The following DNAJC18 variants were observed in gnomAD, a reference collection of about 807,000 sequenced individuals.
DNAJC18 encodes the protein dnaJ homolog subfamily C member 18.
In DNAJC18, 40 loss-of-function variants were observed where a neutral mutation model predicts 48.6. That is an observed-to-expected ratio of 0.82 (90% CI 0.64 to 1.07). The LOEUF (loss-of-function observed/expected upper bound fraction) is 1.07. DNAJC18 is among the 50% of genes least tolerant of loss of function. The pLI is 0.00. For missense variants in DNAJC18, 340 were observed against 427.7 expected (o/e 0.79, Z 1.81); for synonymous variants, 135 against 152.2 (o/e 0.89, Z 0.83).
At chr5:139,432,704 T>C (rs553821749) in intron 2 of DNAJC18, among the ~76,000 whole-genome samples, 6 of 152,328 alleles carry the variant, frequency 3.9e-5, no homozygotes, top group East Asian at 1.9e-4. Context: ...AAAATATCAA[T>C]GGAGCCAGTC....
At chr5:139,423,278 G>T (rs569409677) in intron 5 of DNAJC18, among the ~76,000 whole-genome samples, 19 of 152,296 alleles carry the variant, frequency 1.2e-4, no homozygotes, top group African/African-American at 4.1e-4. Context: ...AGAAGTACAG[G>T]TTGGGCAGTC....
At chr5:139,419,229 C>A in intron 7 of DNAJC18, 1 of 434,194 alleles carries the variant, frequency 2.3e-6, no homozygotes, top group South Asian at 1.7e-5. Context: ...AAGACACAGT[C>A]ACTAACGCGG....
chr5:139,433,787 A>G (rs1759367722), intron 2 of DNAJC18, among the ~76,000 whole-genome samples: 1 of 152,228 alleles, frequency 6.6e-6, no homozygotes, highest in African/African-American at 2.4e-5. Context: ...ATATTTTATG[A>G]TAGTAAATGA....
intron 2 of DNAJC18, among the ~76,000 whole-genome samples, chr5:139,431,099 C>T (rs1759323807): frequency 6.6e-6 from 1 of 152,048 alleles, no homozygotes; most frequent in Admixed American, 6.6e-5. Context: ...CATGAGCTGC[C>T]CATGGGGAGT....
intron 7 of DNAJC18, chr5:139,419,033 G>T (rs1284691885): frequency 9.6e-6 from 4 of 415,876 alleles, no homozygotes; most frequent in South Asian, 1.7e-5. Flanking sequence ...GGTCAATGAG[G>T]GCTTAGCAGC....
chr5:139,418,743 C>T (rs778233362), intron 7 of DNAJC18: 8 of 456,162 alleles, frequency 1.8e-5, no homozygotes, highest in Non-Finnish European at 3.1e-5. Context: ...TCACAATCCT[C>T]AGCATTTTCA....
intron 7 of DNAJC18, among the ~76,000 whole-genome samples, chr5:139,414,526 C>G (rs1466455953): frequency 6.6e-6 from 1 of 152,200 alleles, no homozygotes; most frequent in Non-Finnish European, 1.5e-5. Flanking sequence ...TAGTTCTTAC[C>G]AAGAAAACAT....
At chr5:139,430,096 A>G (rs1286454779) in intron 2 of DNAJC18, among the ~76,000 whole-genome samples, 1 of 152,200 alleles carries the variant, frequency 6.6e-6, no homozygotes, top group Non-Finnish European at 1.5e-5. Context: ...TATGCATGGT[A>G]CAGGAAGCGA....
At chr5:139,426,452 T>C in intron 3 of DNAJC18, 95 bp from the exon 4 acceptor site, 1 of 1,450,574 alleles carries the variant, frequency 6.9e-7, no homozygotes, top group Non-Finnish European at 9.2e-7. Context: ...AGGTGACTCG[T>C]GCTGGACAAC....
chr5:139,437,560 T>G lies in DNAJC18; in HGVS notation c.41-2A>C. 6.2e-7 allele frequency: 1 copy of G among 1,609,270 alleles called. No homozygotes were observed. The highest frequency in any genetic ancestry group is 8.5e-7 in the Non-Finnish European group (1 of 1,178,390). On this transcript the variant is annotated splice_acceptor_variant, in intron 1 of 7. Coordinates refer to ENST00000302060, the MANE Select transcript of DNAJC18 (RefSeq NM_152686.4). LOFTEE classifies it high-confidence loss of function. ...TTCTTCTAACTGCGTCAATGTAAGC[T>G]GCAAACAACAGCCCCTCCATTAGGT...
intron 7 of DNAJC18, among the ~76,000 whole-genome samples, chr5:139,416,894 G>T (rs959533336): frequency 6.6e-6 from 1 of 152,192 alleles, no homozygotes; most frequent in Non-Finnish European, 1.5e-5. Flanking sequence ...ACTCATAAAG[G>T]TTTGCCCAGA....
chr5:139,435,335 A>T (rs1426833938), intron 2 of DNAJC18, among the ~76,000 whole-genome samples: 1 of 152,096 alleles, frequency 6.6e-6, no homozygotes, highest in Admixed American at 6.6e-5. Flanking sequence ...CCTGGGTGAC[A>T]GAGCAAGAAT....
chr5:139,419,433 G>A (rs559501241), intron 7 of DNAJC18, among the ~76,000 whole-genome samples: 5 of 152,376 alleles, frequency 3.3e-5, no homozygotes, highest in South Asian at 4.1e-4. Flanking sequence ...CCAAGGGGTC[G>A]CTTTTGTTCT....
Position 139,428,541 on chromosome 5 carries a change from T to G in DNAJC18, c.370A>C (p.Lys124Gln). Reference protein sequence around the residue: ...NCAPGATDAFKAIGNAFAVLS... With the variant: ...NCAPGATDAFQAIGNAFAVLS... The stretch of plus-strand genomic sequence containing the variant: ...GAGCATTGGTTCAGGATCAGACCTT[T>G]GAAAGCATCTGTTGCTCCAGGAGCA... The change falls in exon 3 of 8, where the codon AAA becomes CAA. Residue 124 changes from lysine (K) to glutamine (Q), a missense_variant. Coordinates refer to ENST00000302060, the MANE Select transcript of DNAJC18 (RefSeq NM_152686.4). 2 of 1,611,970 alleles carry G rather than the reference T, an allele frequency of 1.2e-6. No homozygotes were observed. The highest frequency in any genetic ancestry group is 1.7e-6 in the Non-Finnish European group (2 of 1,179,412).
In DNAJC18 at chr5:139,420,171, A is replaced by G; in HGVS notation, c.834T>C (p.Phe278=). Residue 278 remains phenylalanine, a synonymous_variant, in exon 7 of 8, where the codon TTT becomes TTC. Coordinates refer to ENST00000302060, the MANE Select transcript of DNAJC18 (RefSeq NM_152686.4). The part of the protein sequence containing the change: ...RETQNLQVPY[F]VDKNFDKAYR... Reference sequence around the variant, plus strand: ...AGGCCTTGTCAAAGTTTTTATCCACAAAGTAAGGCACCTGCAGGTTCTGAG... The same window carrying G: ...AGGCCTTGTCAAAGTTTTTATCCACGAAGTAAGGCACCTGCAGGTTCTGAG... The G allele has an allele frequency of 6.2e-7, 1 of 1,612,078 alleles. No homozygotes were observed. Among genetic ancestry groups the G allele is most frequent in the Non-Finnish European group, 8.5e-7 (1 of 1,179,494 alleles).
chr5:139,428,110 A>G (rs1759272003), intron 3 of DNAJC18, among the ~76,000 whole-genome samples: 1 of 152,184 alleles, frequency 6.6e-6, no homozygotes, highest in Non-Finnish European at 1.5e-5. Context: ...TTAAAATATC[A>G]TGGAGGATGG....
chr5:139,427,291 G>A lies in DNAJC18; in HGVS notation c.374-934C>T, dbSNP rs190472746. On this transcript the variant is annotated intron_variant, in intron 3 of 7. Transcript: ENST00000302060. ...AATAGTTACATATGTTTACCAACAT[G>A]TCTCCTTTCTATGTACAGACGTGCA... 7.2e-5 allele frequency among the ~76,000 whole-genome samples: 11 copies of A among 152,276 alleles called. No homozygotes were observed. The East Asian group carries it at 2.1e-3, about 29-fold the overall frequency.
intron 7 of DNAJC18, chr5:139,418,901 G>T: frequency 2.2e-6 from 1 of 455,126 alleles, no homozygotes. Context: ...AGGGGAGACT[G>T]ACATATATCC....
chr5:139,429,713 T>C (rs1042421574), intron 2 of DNAJC18, among the ~76,000 whole-genome samples: 3 of 152,102 alleles, frequency 2.0e-5, no homozygotes, highest in Non-Finnish European at 4.4e-5. Flanking sequence ...CTGCTTGAGG[T>C]GAAGAGCTTG....
Sources: allele counts gnomAD v4.1 joint callset (sites outside exome capture counted in the v4.1 genomes callset), GRCh38; gene constraint gnomAD v4.1.1; transcripts MANE v1.5; gene names NCBI Gene and HGNC (gene_info 2026-07-23, HGNC 2026-07-21).